The following TFDP2 variants were observed in gnomAD, a reference collection of about 807,000 sequenced individuals.
TFDP2 encodes transcription factor Dp-2 (E2F dimerization partner 2).
A neutral mutation model predicts 59.3 loss-of-function variants in TFDP2; 17 were observed. The observed-to-expected ratio is 0.29, with a 90% confidence interval of 0.20 to 0.43. The LOEUF is 0.43. Ranked by LOEUF, TFDP2 falls within the 20% of genes least tolerant of loss-of-function variation. The pLI, the probability that TFDP2 is intolerant of heterozygous loss-of-function variation, is 1.00. For synonymous variants in TFDP2, 180 were observed against 194.7 expected (o/e 0.92, Z 0.63); for missense variants, 391 against 528.8 (o/e 0.74, Z 2.56).
chr3:142,083,786 A>AAACTGGATATCCGT (rs1420412060), intron 3 of TFDP2, among the ~76,000 whole-genome samples: 1 of 152,216 alleles, frequency 6.6e-6, no homozygotes, highest in Non-Finnish European at 1.5e-5. Context: ...AGTGCTGGGA[A>AAACTGGATATCCGT]AACTGGATAT....
intron 3 of TFDP2, among the ~76,000 whole-genome samples, chr3:142,090,575 T>A (rs1049233546): frequency 6.6e-6 from 1 of 151,614 alleles, no homozygotes; most frequent in Non-Finnish European, 1.5e-5. Flanking sequence ...TTTTTTTTTT[T>A]TTGGAGACAG....
At chr3:142,034,619 TAATA>T (rs1946598027) in intron 3 of TFDP2, among the ~76,000 whole-genome samples, 1 of 152,190 alleles carries the variant, frequency 6.6e-6, no homozygotes, top group Admixed American at 6.5e-5. Flanking sequence ...TTGATAAATC[TAATA>T]ATGTGTGCTT....
chr3:142,008,108 A>G (rs982657784), intron 3 of TFDP2, among the ~76,000 whole-genome samples: 1 of 152,100 alleles, frequency 6.6e-6, no homozygotes, highest in African/African-American at 2.4e-5. Context: ...TCACCTGGGG[A>G]ACAATGAACA....
In TFDP2 at chr3:141,963,799, G is replaced by T; in HGVS notation, c.884+13C>A. On this transcript the variant is annotated intron_variant, in intron 10 of 12. Coordinates refer to ENST00000489671, the MANE Select transcript of TFDP2 (RefSeq NM_001178139.2). ...AAGGCCAGCCCTGCACCCATCCCTA[G>T]TTCTCCACTCACTTGTCACTGGAGA... 1 of 1,609,466 alleles carries T rather than the reference G, an allele frequency of 6.2e-7. No homozygotes were observed. The highest frequency in any genetic ancestry group is 8.5e-7 in the Non-Finnish European group (1 of 1,178,248).
chr3:142,041,776 AAGTTTTAT>A (rs1946983348), intron 3 of TFDP2, among the ~76,000 whole-genome samples: 1 of 152,148 alleles, frequency 6.6e-6, no homozygotes, highest in African/African-American at 2.4e-5. Context: ...TTTCTTCTAG[AAGTTTTAT>A]AGTTTTATAT....
At chr3:142,107,307 C>T (rs1472015638) in intron 1 of TFDP2, among the ~76,000 whole-genome samples, 2 of 151,646 alleles carry the variant, frequency 1.3e-5, no homozygotes, top group African/African-American at 4.9e-5. Flanking sequence ...TCTCAGCTCA[C>T]TGCAACCTCT....
At chr3:141,978,729 CT>C (rs764184681) in intron 6 of TFDP2, 47 bp from the exon 7 acceptor site, 72 of 1,362,708 alleles carry the variant, frequency 5.3e-5, no homozygotes, top group Non-Finnish European at 6.4e-5. Flanking sequence ...ATATTAGAGA[CT>C]TTCTTTACAA....
intron 3 of TFDP2, among the ~76,000 whole-genome samples, chr3:142,050,315 T>C (rs1947553564): frequency 6.6e-6 from 1 of 151,452 alleles, no homozygotes; most frequent in African/African-American, 2.4e-5. Context: ...ATGGTTCTTG[T>C]TTTCATCTTT....
intron 3 of TFDP2, among the ~76,000 whole-genome samples, chr3:142,018,507 G>T (rs1451773343): frequency 1.3e-5 from 2 of 151,904 alleles, no homozygotes; most frequent in African/African-American, 4.8e-5. Flanking sequence ...CTGTCACCCA[G>T]GCTGGACTGC....
In TFDP2 at chr3:142,005,654, T is replaced by C. The variant is rs1944148489; in HGVS notation, c.83-110A>G. ...ATTATGTTGAGGTAATTTATAATTA[T>C]CTTAGGAAGCATATTATGAACAAAA... On this transcript the variant is annotated intron_variant, in intron 3 of 12. Transcript: ENST00000489671. The C allele has an allele frequency of 3.0e-5, 20 of 670,022 alleles. 2 individuals carry two copies. In the South Asian group the frequency reaches 4.5e-4, roughly 15 times the overall value. The allele number at this position is 670,022 out of a possible 1,614,324, so 41.5% of individuals were successfully genotyped here.
intron 4 of TFDP2, among the ~76,000 whole-genome samples, chr3:142,004,883 GGA>G (rs1944094039): frequency 6.6e-6 from 1 of 151,974 alleles, no homozygotes; most frequent in Non-Finnish European, 1.5e-5. Flanking sequence ...CACATAAAGA[GGA>G]AAAGACTTAA....
At chr3:141,953,042 A>T (rs1263789066) in intron 11 of TFDP2, 26 bp from the exon 12 acceptor site, 1 of 1,564,730 alleles carries the variant, frequency 6.4e-7, no homozygotes, top group Non-Finnish European at 8.8e-7. Flanking sequence ...AGAACAAAAA[A>T]TGTCGGTCCT....
chr3:142,137,013 T>C (rs868218062), intron 1 of TFDP2, among the ~76,000 whole-genome samples: 1 of 152,142 alleles, frequency 6.6e-6, no homozygotes, highest in Non-Finnish European at 1.5e-5. Flanking sequence ...ATTCTTCCTA[T>C]CCATGAGCAT....
rs1014720941 is a variant in TFDP2, at chr3:141,951,603, C to G, written c.*910G>C. On this transcript the variant is annotated 3_prime_UTR_variant, in exon 13 of 13. Coordinates refer to ENST00000489671, the MANE Select transcript of TFDP2 (RefSeq NM_001178139.2). ...CACACTGGGTGAGATCATACAATTA[C>G]TGCAGGGAACTGTAGGCAAGCAATT... The G allele has an allele frequency of 5.2e-5, 8 of 152,638 alleles. No homozygotes were observed. The highest frequency in any genetic ancestry group is 1.0e-4 in the Non-Finnish European group (7 of 68,056). The allele number at this position is 152,638 out of a possible 1,614,324, so 9.5% of individuals were successfully genotyped here. A position where few individuals can be genotyped will look rare whatever the true frequency, so the allele number is the denominator to read the frequency against.
intron 3 of TFDP2, among the ~76,000 whole-genome samples, chr3:142,009,481 C>T (rs937668138): frequency 6.6e-6 from 1 of 151,946 alleles, no homozygotes; most frequent in African/African-American, 2.4e-5. Flanking sequence ...GGAAGCCAAG[C>T]AGGGCAGATC....
At chr3:142,092,773 T>C (rs1366397710) in intron 3 of TFDP2, among the ~76,000 whole-genome samples, 2 of 152,182 alleles carry the variant, frequency 1.3e-5, no homozygotes, top group South Asian at 2.1e-4. Context: ...GAAAGTAGGA[T>C]TGTCAAACAA....
intron 3 of TFDP2, among the ~76,000 whole-genome samples, chr3:142,078,937 A>C (rs1198389276): frequency 6.6e-6 from 1 of 152,180 alleles, no homozygotes; most frequent in Non-Finnish European, 1.5e-5. Context: ...TCTATCAGAT[A>C]AATTTAACAG....
intron 7 of TFDP2, among the ~76,000 whole-genome samples, chr3:141,977,107 T>TAGATAGATAGA (rs1491255094): frequency 2.3e-5 from 2 of 86,712 alleles, no homozygotes; most frequent in Non-Finnish European, 4.4e-5. Context: ...TATATATATA[T>TAGATAGATAGA]TTTTTTTTTT....
rs1559942159 is a variant in TFDP2, at chr3:141,969,139, C to CTAT, written c.732+933_732+934insATA. The stretch of plus-strand genomic sequence containing the variant: ...TGAGATATATATATAACATATATAT[C>CTAT]CCATATATATGAGATATATATATAA... On this transcript the variant is annotated intron_variant, in intron 9 of 12. Transcript: ENST00000489671. Among the ~76,000 whole-genome samples the CTAT allele has an allele frequency of 6.6e-5, 5 of 75,312 alleles. 1 individual carries two copies. The highest frequency in any genetic ancestry group is 1.2e-4 in the Non-Finnish European group (5 of 42,962). The allele number at this position is 75,312 out of a possible 152,430, so 49.4% of individuals were successfully genotyped here. A position where few individuals can be genotyped will look rare whatever the true frequency, so the allele number is the denominator to read the frequency against.
Sources: gnomAD v4.1 joint callset for allele counts (sites outside exome capture counted in the v4.1 genomes callset) on GRCh38, gnomAD v4.1.1 for gene constraint, MANE v1.5 for transcripts, NCBI Gene and HGNC (gene_info 2026-07-23, HGNC 2026-07-21) for gene names.